The following ARHGAP11B variants were observed in gnomAD, a reference collection of about 807,000 sequenced individuals.
ARHGAP11B encodes the protein inactive Rho GTPase-activating protein 11B.
Under a neutral mutation model 27.6 loss-of-function variants are expected in ARHGAP11B, and 14 were observed. The observed-to-expected ratio is 0.51, with a 90% CI of 0.34 to 0.79. The LOEUF (loss-of-function observed/expected upper bound fraction) is 0.79, where lower values mean the gene tolerates loss of function less well. ARHGAP11B is among the 30% of genes least tolerant of loss of function. The pLI, the probability that ARHGAP11B is intolerant of heterozygous loss-of-function variation, is 0.02. For missense variants in ARHGAP11B, 245 were observed against 320.1 expected, an observed-to-expected ratio of 0.77 and a Z score of 1.79; for synonymous variants, 82 against 114.1, an observed-to-expected ratio of 0.72 and a Z score of 1.80.
chr15:30,630,826 C>A, intron 2 of ARHGAP11B, 53 bp downstream of exon 2: 1 of 1,606,390 alleles, frequency 6.2e-7, no homozygotes, highest in Non-Finnish European at 8.5e-7. Flanking sequence ...ATGCCTGTAA[C>A]CCCAGCATTT....
intron 7 of ARHGAP11B, among the ~76,000 whole-genome samples, chr15:30,640,594 T>G (rs2060309497): frequency 6.6e-6 from 1 of 151,868 alleles, no homozygotes; most frequent in African/African-American, 2.4e-5. Flanking sequence ...GTGAGTGATC[T>G]CTGATTATTT....
At chr15:30,642,786 A>G (rs2060323231) in intron 7 of ARHGAP11B, among the ~76,000 whole-genome samples, 1 of 152,084 alleles carries the variant, frequency 6.6e-6, no homozygotes, top group Admixed American at 6.6e-5. Context: ...AAGCTCTAAT[A>G]TAAAAGTAAT....
chr15:30,646,677 A>G (rs1315920426), intron 9 of ARHGAP11B, among the ~76,000 whole-genome samples: 6 of 151,072 alleles, frequency 4.0e-5, no homozygotes, highest in African/African-American at 1.5e-4. Context: ...AAAAAAAAAT[A>G]TGTGAAATTA....
At chr15:30,643,775 A>G (rs1300926425) in intron 7 of ARHGAP11B, among the ~76,000 whole-genome samples, 2 of 152,088 alleles carry the variant, frequency 1.3e-5, no homozygotes, top group Non-Finnish European at 2.9e-5. Flanking sequence ...ACTGCAGTAA[A>G]TACAGTAATG....
chr15:30,635,593 T>C (rs1365116072), exon 6 of ARHGAP11B: 4 of 1,613,408 alleles, frequency 2.5e-6, no homozygotes, highest in South Asian at 2.2e-5. Flanking sequence ...AATATGAAAC[T>C]CCTGGTGAAT....
intron 9 of ARHGAP11B, among the ~76,000 whole-genome samples, chr15:30,647,255 G>A (rs905144764): frequency 6.6e-6 from 1 of 151,552 alleles, no homozygotes; most frequent in African/African-American, 2.4e-5. Flanking sequence ...CTCATGTTTA[G>A]CATCGATTGG....
intron 7 of ARHGAP11B, among the ~76,000 whole-genome samples, chr15:30,641,337 T>C (rs1302576741): frequency 7.2e-6 from 1 of 138,476 alleles, no homozygotes; most frequent in Non-Finnish European, 1.6e-5. Flanking sequence ...CATAATTGTC[T>C]CTTTTTTTTT....
chr15:30,639,606 A>G (rs2060303020), intron 7 of ARHGAP11B, among the ~76,000 whole-genome samples: 1 of 151,966 alleles, frequency 6.6e-6, no homozygotes, highest in South Asian at 2.1e-4. Context: ...TTTTGTTTTG[A>G]TATTTTTTCA....
At chr15:30,630,580 TGATA>T (rs1274250613) in intron 1 of ARHGAP11B, 119 bp from the exon 2 acceptor site, 10 of 1,519,558 alleles carry the variant, frequency 6.6e-6, no homozygotes, top group African/African-American at 5.6e-5. Context: ...TTGTCTTGAT[TGATA>T]GTTTATCATT....
chr15:30,630,749 T>C (rs2060239568), exon 2 of ARHGAP11B: 4 of 1,611,496 alleles, frequency 2.5e-6, no homozygotes, highest in Middle Eastern at 1.7e-4. Flanking sequence ...CATTCTGCTG[T>C]ACCAGAATAT....
intron 9 of ARHGAP11B, among the ~76,000 whole-genome samples, chr15:30,646,471 T>C (rs562228613): frequency 6.6e-6 from 1 of 151,966 alleles, no homozygotes; most frequent in Non-Finnish European, 1.5e-5. Flanking sequence ...TGAGAGTAGA[T>C]GGTGATTTTG....
intron 2 of ARHGAP11B, among the ~76,000 whole-genome samples, chr15:30,632,229 T>C (rs1234243807): frequency 1.4e-5 from 1 of 70,616 alleles, no homozygotes; most frequent in Non-Finnish European, 2.7e-5. Flanking sequence ...AAGACAAGCC[T>C]GGGCAACATG....
intron 2 of ARHGAP11B, among the ~76,000 whole-genome samples, chr15:30,632,884 G>T (rs182302809): frequency 6.6e-6 from 1 of 151,990 alleles, no homozygotes; most frequent in Non-Finnish European, 1.5e-5. Flanking sequence ...AGGTGGCCTT[G>T]GACGGAGCCC....
chr15:30,638,865 G>A, intron 7 of ARHGAP11B, 55 bp downstream of exon 7: 2 of 1,023,934 alleles, frequency 2.0e-6, no homozygotes, highest in African/African-American at 1.7e-5. Context: ...AATTTGTATA[G>A]TATTCTATAA....
In ARHGAP11B at chr15:30,644,529, A is replaced by G. The variant is rs186211087; in HGVS notation, c.*79-110A>G. 1.6e-3 allele frequency: 958 copies of G among 612,930 alleles called. 11 individuals carry two copies. The African/African-American group carries it at 0.016, about 11-fold the overall frequency. The allele number at this position is 612,930 out of a possible 1,614,324, so 38.0% of individuals were successfully genotyped here. A position where few individuals can be genotyped will look rare whatever the true frequency, so the allele number is the denominator to read the frequency against. On this transcript the variant is annotated intron_variant, in intron 7 of 10. Coordinates refer to ENST00000428041, the Ensembl canonical transcript of ARHGAP11B. ...CTTATTGTTTTTGGTAACAAATTTTACACATTCTTTTTTTGTCCTCATTGA... is the reference window on the plus strand; with the variant it reads ...CTTATTGTTTTTGGTAACAAATTTTGCACATTCTTTTTTTGTCCTCATTGA...
Position 30,646,674 on chromosome 15 carries a change from A to T in ARHGAP11B, c.*324+379A>T, listed in dbSNP as rs74960509. Among the ~76,000 whole-genome samples the T allele has an allele frequency of 4.0e-5, 6 of 150,156 alleles. No homozygotes were observed. The East Asian group carries it at 5.9e-4, about 15-fold the overall frequency. Reference sequence around the variant, plus strand: ...AGACTCCGTCTCAAAAAAAAAAAAAAATATGTGAAATTAGCCCAGGCGCAG... The same window carrying T: ...AGACTCCGTCTCAAAAAAAAAAAAATATATGTGAAATTAGCCCAGGCGCAG... On this transcript the variant is annotated intron_variant, in intron 9 of 10. Coordinates refer to ENST00000428041, the Ensembl canonical transcript of ARHGAP11B.
At chr15:30,640,992 T>G (rs2060311740) in intron 7 of ARHGAP11B, among the ~76,000 whole-genome samples, 2 of 151,882 alleles carry the variant, frequency 1.3e-5, no homozygotes, top group South Asian at 4.1e-4. Context: ...CTGCCTTTGC[T>G]TATTAGCATT....
intron 8 of ARHGAP11B, among the ~76,000 whole-genome samples, chr15:30,645,035 C>T (rs1388247414): frequency 2.0e-5 from 3 of 151,670 alleles, no homozygotes; most frequent in Non-Finnish European, 2.9e-5. Context: ...GGTGTAGGTG[C>T]ACAGGGTTGG....
At chr15:30,629,910 A>T (rs1409511433) in intron 1 of ARHGAP11B, among the ~76,000 whole-genome samples, 4 of 152,122 alleles carry the variant, frequency 2.6e-5, no homozygotes, top group African/African-American at 9.6e-5. Flanking sequence ...TTTGCCTTTC[A>T]GTGCTGTGGA....
Sources: allele counts gnomAD v4.1 joint callset (sites outside exome capture counted in the v4.1 genomes callset), GRCh38; gene constraint gnomAD v4.1.1; transcripts MANE v1.5; gene names NCBI Gene and HGNC (gene_info 2026-07-23, HGNC 2026-07-21).